Variants in NAV3 observed in about 807,000 individuals in gnomAD.
The protein encoded by NAV3 is neuron navigator 3, also known as pore membrane and/or filament interacting like protein 1.
NAV3 carries 87 observed loss-of-function variants against 244.7 expected under a neutral mutation model. The ratio of observed to expected loss-of-function variants is 0.36; its 90% CI spans 0.30 to 0.42. The LOEUF (loss-of-function observed/expected upper bound fraction) is 0.42. NAV3 is among the 20% of genes least tolerant of loss of function. The pLI, the probability that NAV3 is intolerant of heterozygous loss-of-function variation, is 1.00. For synonymous variants in NAV3, 1,126 were observed against 1,042.2 expected (o/e 1.08, Z -1.55); for missense variants, 2,663 against 2,893.3 (o/e 0.92, Z 1.83).
intron 2 of NAV3, among the ~76,000 whole-genome samples, chr12:77,808,097 A>G (rs1449954580): frequency 6.6e-6 from 1 of 152,146 alleles, no homozygotes; most frequent in Non-Finnish European, 1.5e-5. Flanking sequence ...CAAGGTTCTT[A>G]GCTTCCTTGC....
chr12:77,833,424 T>G (rs1419305508), intron 1 of NAV3, among the ~76,000 whole-genome samples: 2 of 152,202 alleles, frequency 1.3e-5, no homozygotes, highest in African/African-American at 4.8e-5. Context: ...TGTTTCCTTG[T>G]CCCCCTCACA....
At chr12:78,026,567 A>T (rs1878093459) in intron 9 of NAV3, among the ~76,000 whole-genome samples, 1 of 152,148 alleles carries the variant, frequency 6.6e-6, no homozygotes, top group Admixed American at 6.5e-5. Flanking sequence ...TATATGAATC[A>T]ACTTTTTAGG....
Position 77,859,954 on chromosome 12 carries a change from G to A in NAV3, c.243+28250G>A, listed in dbSNP as rs189029323. Among the ~76,000 whole-genome samples the A allele has an allele frequency of 5.3e-5, 8 of 151,658 alleles. No homozygotes were observed. The East Asian group carries it at 1.6e-3, about 29-fold the overall frequency. ...CTTTTGTTCCTTAGTTCCATCACAA[G>A]TTGCATCAACTTCTGGTAGTAAGTA... On this transcript the variant is annotated intron_variant, in intron 1 of 39. Transcript: ENST00000397909.
intron 2 of NAV3, among the ~76,000 whole-genome samples, chr12:77,751,614 C>T (rs931384924): frequency 6.6e-6 from 1 of 152,048 alleles, no homozygotes; most frequent in African/African-American, 2.4e-5. Context: ...TTTCCTGAGG[C>T]CCCCCCAGCC....
rs2136575239 is a variant in NAV3, at chr12:78,006,878, C to A, written c.1340C>A (p.Ala447Asp). The A allele has an allele frequency of 6.2e-7, 1 of 1,614,016 alleles. No individual in the cohort carries two copies. The highest frequency in any genetic ancestry group is 2.2e-5 in the East Asian group (1 of 44,868). Residue 447 changes from alanine to aspartate, a missense_variant, in exon 8 of 40, where the codon GCC becomes GAC. Transcript: ENST00000397909. ...AGTCCCAAAGTGTCACCTAAGTTGG[C>A]CCCTCCAAAAGCTGGAAGCAAAAAT... ...NSSPKVSPKL[A>D]PPKAGSKNLS...
At chr12:78,063,652 G>A (rs1432605609) in intron 12 of NAV3, among the ~76,000 whole-genome samples, 2 of 152,106 alleles carry the variant, frequency 1.3e-5, no homozygotes, top group East Asian at 3.9e-4. Context: ...TGCCTTAGAA[G>A]CACCAAAGAG....
intron 2 of NAV3, among the ~76,000 whole-genome samples, chr12:77,762,533 G>A (rs889691970): frequency 2.6e-5 from 4 of 152,092 alleles, no homozygotes; most frequent in African/African-American, 9.7e-5. Flanking sequence ...AACCCGGGAG[G>A]CGGAGGTTGT....
chr12:78,084,596 T>TTC (rs1189904179), intron 12 of NAV3, among the ~76,000 whole-genome samples: 1 of 151,184 alleles, frequency 6.6e-6, no homozygotes, highest in Non-Finnish European at 1.5e-5. Flanking sequence ...CTCTCTCTCT[T>TTC]TCTCTCTCTC....
chr12:77,638,396 T>C (rs941874001), intron 2 of NAV3, among the ~76,000 whole-genome samples: 5 of 152,226 alleles, frequency 3.3e-5, no homozygotes, highest in Non-Finnish European at 5.9e-5. Context: ...GCAGTGTGCT[T>C]ATTGTCAGTT....
chr12:78,203,358 G>A (rs1210078546), intron 38 of NAV3, among the ~76,000 whole-genome samples: 1 of 151,830 alleles, frequency 6.6e-6, no homozygotes, highest in Non-Finnish European at 1.5e-5. Context: ...TTCTTCAATT[G>A]GTTTAAGTTG....
At chr12:77,763,301 A>G (rs1869580828) in intron 2 of NAV3, among the ~76,000 whole-genome samples, 1 of 152,206 alleles carries the variant, frequency 6.6e-6, no homozygotes, top group South Asian at 2.1e-4. Flanking sequence ...AATGATCTTT[A>G]AAGGCCTCTG....
chr12:77,788,134 T>C (rs1055043134), intron 2 of NAV3, among the ~76,000 whole-genome samples: 5 of 152,212 alleles, frequency 3.3e-5, no homozygotes, highest in Non-Finnish European at 7.3e-5. Flanking sequence ...GTATAAAATA[T>C]AAATCATCGT....
chr12:78,050,981 C>G lies in NAV3; in HGVS notation c.2350C>G (p.Pro784Ala), dbSNP rs780001706. 1 of 1,614,082 alleles carries G rather than the reference C, an allele frequency of 6.2e-7. No individual in the cohort carries two copies. The change falls in exon 11 of 40, where the codon CCT (proline) becomes GCT (alanine). Residue 784 changes from proline to alanine, a missense_variant. Pro to Ala is a conservative substitution (Grantham distance 27). Around this residue, in one of 6 missense-constraint regions of NAV3, gnomAD observed 1,521 missense variants for 1,497.0 expected, o/e 1.02. Transcript: ENST00000397909. ...TDPSRFMYTT[P>A]LRRAAVSRLG... ...CCCCTCGAGGTTCATGTATACCACG[C>G]CTCTCCGTCGAGCTGCTGTCTCTAG...
At chr12:77,661,385 T>C (rs1235715068) in intron 2 of NAV3, among the ~76,000 whole-genome samples, 1 of 152,096 alleles carries the variant, frequency 6.6e-6, no homozygotes. Flanking sequence ...TTCAATAAGA[T>C]ATATGCTCAG....
At chr12:77,805,925 T>G (rs1217966162) in intron 2 of NAV3, among the ~76,000 whole-genome samples, 3 of 152,210 alleles carry the variant, frequency 2.0e-5, no homozygotes, top group Admixed American at 2.0e-4. Flanking sequence ...ATTTATCCAT[T>G]TCTTCTAGAT....
chr12:77,590,810 A>G (rs1199106155), intron 2 of NAV3, among the ~76,000 whole-genome samples: 2 of 152,210 alleles, frequency 1.3e-5, no homozygotes, highest in Admixed American at 1.3e-4. Flanking sequence ...GTAGCGTCCT[A>G]CAGATCTGGG....
intron 1 of NAV3, among the ~76,000 whole-genome samples, chr12:77,884,039 A>G (rs1435936133): frequency 6.6e-6 from 1 of 152,194 alleles, no homozygotes; most frequent in Non-Finnish European, 1.5e-5. Context: ...TATAGCTTTG[A>G]TAGGTGTTTC....
At chr12:78,199,678 G>A (rs769362047) in intron 37 of NAV3, 147 bp downstream of exon 37, 53 of 549,548 alleles carry the variant, frequency 9.6e-5, no homozygotes, top group Non-Finnish European at 1.4e-4. Context: ...GAAAGTTTGC[G>A]TTCTTCTTCT....
chr12:78,078,634 A>G (rs1379855218), intron 12 of NAV3, among the ~76,000 whole-genome samples: 1 of 151,814 alleles, frequency 6.6e-6, no homozygotes, highest in African/African-American at 2.4e-5. Context: ...TGACCTCGTG[A>G]TCCGCCCACC....
Sources: allele counts gnomAD v4.1 joint callset (sites outside exome capture counted in the v4.1 genomes callset), GRCh38; gene constraint gnomAD v4.1.1; regional missense constraint gnomAD v4.1.1; transcripts MANE v1.5; gene names NCBI Gene and HGNC (gene_info 2026-07-23, HGNC 2026-07-21).